TMC1: variants seen among roughly 807,000 people sequenced by gnomAD.
TMC1 encodes transmembrane channel-like protein 1.
TMC1 carries 84 observed loss-of-function variants against 105.8 expected under a neutral mutation model. That is an observed-to-expected ratio of 0.79 (90% CI 0.67 to 0.95). The LOEUF is 0.95. Ranked by LOEUF, TMC1 falls within the 40% of genes least tolerant of loss-of-function variation. TMC1 has a pLI of 0.00. For missense variants in TMC1, 817 were observed against 914.1 expected (o/e 0.89, Z 1.37); for synonymous variants, 315 against 311.5 (o/e 1.01, Z -0.12).
chr9:72,544,357 A>G (rs1315410892), intron 1 of TMC1, among the ~76,000 whole-genome samples: 1 of 130,148 alleles, frequency 7.7e-6, no homozygotes, highest in Non-Finnish European at 1.6e-5. Flanking sequence ...CACTCAAGCC[A>G]TGTTTGTCTC....
chr9:72,561,923 G>T (rs375601102), intron 1 of TMC1, among the ~76,000 whole-genome samples: 1 of 151,850 alleles, frequency 6.6e-6, no homozygotes, highest in African/African-American at 2.4e-5. Flanking sequence ...CGGGAGGATC[G>T]CTTGAGCTCA....
intron 7 of TMC1, among the ~76,000 whole-genome samples, chr9:72,698,963 G>A (rs1163699563): frequency 6.6e-6 from 1 of 152,160 alleles, no homozygotes; most frequent in Non-Finnish European, 1.5e-5. Context: ...GAAGCCACAG[G>A]AAAGACGGAG....
chr9:72,592,233 T>G (rs1029375101), intron 2 of TMC1, among the ~76,000 whole-genome samples: 11 of 152,182 alleles, frequency 7.2e-5, no homozygotes, highest in Non-Finnish European at 1.3e-4. Context: ...GAGAAGATGG[T>G]GAAGTCAAAG....
At chr9:72,735,393 G>C (rs1827281183) in intron 8 of TMC1, among the ~76,000 whole-genome samples, 1 of 152,226 alleles carries the variant, frequency 6.6e-6, no homozygotes, top group African/African-American at 2.4e-5. Context: ...AAATACAAAT[G>C]AGTAGGAGAA....
At chr9:72,547,274 G>A (rs576371959) in intron 1 of TMC1, among the ~76,000 whole-genome samples, 1 of 132,740 alleles carries the variant, frequency 7.5e-6, no homozygotes, top group African/African-American at 3.0e-5. Context: ...GCAACAGAGC[G>A]AGACTCCTTC....
rs1011898365 is a variant in TMC1 at position 72,837,375 on chromosome 9, A to G, written c.*1402A>G. 2.6e-5 allele frequency: 4 copies of G among 152,154 alleles called. No individual in the cohort carries two copies. The highest frequency in any genetic ancestry group is 4.4e-5 in the Non-Finnish European group (3 of 68,042). 9.4% of individuals were successfully genotyped at this position (152,154 alleles called of 1,614,324 possible). On this transcript the variant is annotated 3_prime_UTR_variant, in exon 24 of 24. Transcript: ENST00000297784. ...ATTTTAGAGAGATAGTTTAACCACC[A>G]CCTGACCATCACCAAATGGTCACCT...
chr9:72,699,500 C>G (rs1257878905), intron 7 of TMC1, among the ~76,000 whole-genome samples: 1 of 152,032 alleles, frequency 6.6e-6, no homozygotes, highest in Non-Finnish European at 1.5e-5. Flanking sequence ...ACATCTTCAC[C>G]CCTAATTTAT....
chr9:72,729,189 C>T (rs1827167188), intron 8 of TMC1, among the ~76,000 whole-genome samples: 1 of 152,016 alleles, frequency 6.6e-6, no homozygotes, highest in Non-Finnish European at 1.5e-5. Flanking sequence ...TCATGAGTAT[C>T]ATCAGAACTA....
chr9:72,574,465 A>G (rs1259271596), intron 1 of TMC1, among the ~76,000 whole-genome samples: 3 of 152,254 alleles, frequency 2.0e-5, no homozygotes, highest in Non-Finnish European at 4.4e-5. Flanking sequence ...CTCCCATTTC[A>G]GAAAGCAACC....
chr9:72,732,947 T>C (rs1827238393), intron 8 of TMC1, among the ~76,000 whole-genome samples: 1 of 152,160 alleles, frequency 6.6e-6, no homozygotes, highest in Non-Finnish European at 1.5e-5. Flanking sequence ...TCACTGTTGC[T>C]GGTCCCATTT....
intron 6 of TMC1, among the ~76,000 whole-genome samples, chr9:72,692,472 T>G (rs1265847964): frequency 6.6e-6 from 1 of 152,178 alleles, no homozygotes; most frequent in African/African-American, 2.4e-5. Flanking sequence ...ATCTCCACAT[T>G]GTAGTTGAAC....
At chr9:72,823,239 G>A (rs1828902785) in intron 20 of TMC1, among the ~76,000 whole-genome samples, 1 of 151,766 alleles carries the variant, frequency 6.6e-6, no homozygotes, top group Non-Finnish European at 1.5e-5. Context: ...TTGTTTATTT[G>A]TCTGGACTTA....
intron 8 of TMC1, among the ~76,000 whole-genome samples, chr9:72,704,693 CTA>C (rs1186134327): frequency 1.3e-5 from 2 of 152,044 alleles, no homozygotes; most frequent in Non-Finnish European, 2.9e-5. Context: ...GATTTTCATT[CTA>C]TGTTTTATTG....
chr9:72,564,468 C>G (rs1236569401), intron 1 of TMC1, among the ~76,000 whole-genome samples: 1 of 152,106 alleles, frequency 6.6e-6, no homozygotes, highest in Non-Finnish European at 1.5e-5. Context: ...GCTTTTCTCC[C>G]TTTTGTCTGA....
chr9:72,678,408 G>A (rs1022591517), intron 5 of TMC1, among the ~76,000 whole-genome samples: 1 of 152,026 alleles, frequency 6.6e-6, no homozygotes, highest in Non-Finnish European at 1.5e-5. Context: ...AAGAATATGA[G>A]TTTCAGAATT....
At chr9:72,606,241 C>T (rs2871436) in intron 2 of TMC1, among the ~76,000 whole-genome samples, 85,885 of 152,034 alleles carry the variant, frequency 0.56, 25,483 homozygotes, top group African/African-American at 0.76. Context: ...TTCTTGCCAT[C>T]GGCTTCTCCA....
intron 1 of TMC1, among the ~76,000 whole-genome samples, chr9:72,559,109 T>C (rs1029981488): frequency 6.6e-6 from 1 of 151,860 alleles, no homozygotes; most frequent in Non-Finnish European, 1.5e-5. Flanking sequence ...TTTTTTTTTT[T>C]TTTGAGATGG....
intron 12 of TMC1, among the ~76,000 whole-genome samples, chr9:72,756,605 T>G (rs1032698729): frequency 1.1e-4 from 17 of 152,202 alleles, no homozygotes; most frequent in Non-Finnish European, 5.9e-5. Context: ...CTTCCTCTGA[T>G]TAGCAAAATG....
intron 8 of TMC1, among the ~76,000 whole-genome samples, chr9:72,712,732 C>T (rs1178815755): frequency 1.3e-5 from 2 of 152,194 alleles, no homozygotes; most frequent in East Asian, 3.8e-4. Context: ...ATGTGACTTC[C>T]TCTTTTCCTA....
Sources: gnomAD v4.1 joint callset for allele counts (sites outside exome capture counted in the v4.1 genomes callset) on GRCh38, gnomAD v4.1.1 for gene constraint, MANE v1.5 for transcripts, NCBI Gene and HGNC (gene_info 2026-07-23, HGNC 2026-07-21) for gene names.